Variants in INTS4 observed in about 807,000 individuals in gnomAD.
INTS4 encodes MSTP093.
A neutral mutation model predicts 119.5 loss-of-function variants in INTS4; 70 were observed. The ratio of observed to expected loss-of-function variants is 0.59; its 90% CI spans 0.48 to 0.71. The LOEUF (loss-of-function observed/expected upper bound fraction) is 0.71. INTS4 is among the 30% of genes least tolerant of loss of function. The pLI, the probability that INTS4 is intolerant of heterozygous loss-of-function variation, is 0.00. For missense variants in INTS4, 867 were observed against 1,173.2 expected, an observed-to-expected ratio of 0.74 and a Z score of 3.81; for synonymous variants, 316 against 419.6, an observed-to-expected ratio of 0.75 and a Z score of 3.02.
At chr11:77,969,354 CGTATGTATGTATAT>C (rs1855623785) in intron 4 of INTS4, among the ~76,000 whole-genome samples, 1 of 151,908 alleles carries the variant, frequency 6.6e-6, no homozygotes, top group African/African-American at 2.4e-5. Context: ...TATGTATAGG[CGTATGTATGTATAT>C]GTATGTATGT....
chr11:77,905,644 G>A (rs1431812911), intron 16 of INTS4, among the ~76,000 whole-genome samples: 2 of 152,176 alleles, frequency 1.3e-5, no homozygotes, highest in African/African-American at 4.8e-5. Flanking sequence ...CTGCATTTGT[G>A]AAAGATAAAA....
At chr11:77,969,433 C>T (rs1397055940) in intron 4 of INTS4, among the ~76,000 whole-genome samples, 3 of 152,010 alleles carry the variant, frequency 2.0e-5, no homozygotes, top group South Asian at 2.1e-4. Context: ...CAGGGTGGAA[C>T]GCAGTGATGT....
At chr11:77,929,748 T>A (rs1011177069) in intron 10 of INTS4, among the ~76,000 whole-genome samples, 1 of 152,142 alleles carries the variant, frequency 6.6e-6, no homozygotes, top group African/African-American at 2.4e-5. Context: ...TGGAGGGTGA[T>A]CTTGAATAAG....
At chr11:77,941,492 T>G (rs1953928993) in intron 8 of INTS4, among the ~76,000 whole-genome samples, 10 of 151,500 alleles carry the variant, frequency 6.6e-5, no homozygotes. Flanking sequence ...AGATGGAGTT[T>G]TGCTCTTGTC....
At chr11:77,900,267 T>G (rs1952724977) in intron 18 of INTS4, among the ~76,000 whole-genome samples, 1 of 151,876 alleles carries the variant, frequency 6.6e-6, no homozygotes, top group African/African-American at 2.4e-5. Context: ...GCCCGGCTAA[T>G]TTTATGTATT....
At chr11:77,902,896 A>C (rs1226692092) in intron 17 of INTS4, among the ~76,000 whole-genome samples, 1 of 152,194 alleles carries the variant, frequency 6.6e-6, no homozygotes, top group African/African-American at 2.4e-5. Flanking sequence ...CAGGCTAAAG[A>C]TATAAACAAC....
intron 4 of INTS4, chr11:77,963,352 CAA>C (rs777966254): frequency 3.6e-3 from 631 of 176,268 alleles, no homozygotes; most frequent in East Asian, 6.9e-3. Context: ...GACTCCGTCT[CAA>C]AAAAAAAAAA....
intron 4 of INTS4, among the ~76,000 whole-genome samples, chr11:77,970,148 G>A (rs1349350633): frequency 2.0e-5 from 3 of 152,180 alleles, no homozygotes; most frequent in Non-Finnish European, 4.4e-5. Flanking sequence ...TGTAATCCCA[G>A]CACTTTGGGA....
At position 77,891,764 on chromosome 11, in the gene INTS4, T is replaced by C. The variant is rs148229876; in HGVS notation, c.2365A>G (p.Thr789Ala). 1.2e-5 allele frequency: 19 copies of C among 1,611,876 alleles called. No homozygotes were observed. Among genetic ancestry groups the C allele is most frequent in the Middle Eastern group, 2.2e-4 (1 of 4,452 alleles). Residue 789 changes from threonine (T) to alanine (A), a missense_variant, in exon 20 of 23, where the codon ACA becomes GCA. By Grantham distance (58) the Thr-to-Ala change is moderately conservative (BLOSUM62 0). Transcript: ENST00000534064. ...TTGACCACTTCTGCAGGTTTGGATG[T>C]CATGAGTCGGGGCATAAGGTCAAGG... ...KLLDLMPRLM[T>A]SKPAEVVKIL...
chr11:77,994,514 T>A, intron 1 of INTS4, 76 bp downstream of exon 1: 1 of 1,190,162 alleles, frequency 8.4e-7, no homozygotes. Context: ...GCCTCTTCTG[T>A]TCCGGCAAAG....
chr11:77,876,979 T>A (rs1244377676), downstream of INTS4: 4 of 703,342 alleles, frequency 5.7e-6, no homozygotes, highest in East Asian at 1.1e-4. Flanking sequence ...CATCAGGTGT[T>A]CATGTCAGGG....
intron 15 of INTS4, among the ~76,000 whole-genome samples, chr11:77,910,525 T>C (rs1025461397): frequency 1.3e-5 from 2 of 151,720 alleles, no homozygotes; most frequent in African/African-American, 4.9e-5. Context: ...CACACCAACA[T>C]GGCACATGTA....
chr11:77,934,349 C>A (rs1010104257), intron 10 of INTS4, among the ~76,000 whole-genome samples: 2 of 146,820 alleles, frequency 1.4e-5, no homozygotes, highest in African/African-American at 5.1e-5. Context: ...ATGACCCTGC[C>A]AAATCCCCCT....
chr11:77,882,087 T>A (rs924785528), intron 22 of INTS4, among the ~76,000 whole-genome samples: 1 of 152,098 alleles, frequency 6.6e-6, no homozygotes, highest in Non-Finnish European at 1.5e-5. Flanking sequence ...AACTTTTTTA[T>A]ATATCTATTG....
chr11:77,948,421 C>T (rs1055087046), intron 8 of INTS4, among the ~76,000 whole-genome samples: 4 of 151,914 alleles, frequency 2.6e-5, no homozygotes, highest in Non-Finnish European at 5.9e-5. Context: ...CCAAGGCAGG[C>T]GAATCACTTG....
At chr11:77,946,782 A>T (rs1272558056) in intron 8 of INTS4, among the ~76,000 whole-genome samples, 1 of 151,762 alleles carries the variant, frequency 6.6e-6, no homozygotes, top group East Asian at 1.9e-4. Context: ...AAAGGAAAAA[A>T]GTCTCCAATG....
intron 8 of INTS4, among the ~76,000 whole-genome samples, chr11:77,955,410 A>G (rs1227343633): frequency 6.6e-6 from 1 of 152,074 alleles, no homozygotes; most frequent in Non-Finnish European, 1.5e-5. Flanking sequence ...GTTTCTCAAA[A>G]TGTCTGTAAA....
chr11:77,981,097 A>C (rs1159193525), intron 3 of INTS4, among the ~76,000 whole-genome samples: 1 of 151,450 alleles, frequency 6.6e-6, no homozygotes, highest in Non-Finnish European at 1.5e-5. Context: ...ATATATAGCA[A>C]GGGTCATTAA....
At chr11:77,982,052 A>G (rs985933300) in intron 2 of INTS4, among the ~76,000 whole-genome samples, 2 of 152,112 alleles carry the variant, frequency 1.3e-5, no homozygotes, top group African/African-American at 4.8e-5. Flanking sequence ...CATTGCTGCC[A>G]GTACCACTGC....
Sources: gnomAD v4.1 joint callset for allele counts (sites outside exome capture counted in the v4.1 genomes callset) on GRCh38, gnomAD v4.1.1 for gene constraint, MANE v1.5 for transcripts, NCBI Gene and HGNC (gene_info 2026-07-23, HGNC 2026-07-21) for gene names.